DLG5: variants seen among roughly 807,000 people sequenced by gnomAD.
The protein encoded by DLG5 is disks large homolog 5.
In DLG5, 48 loss-of-function variants were observed where a neutral mutation model predicts 189.8. The observed-to-expected ratio is 0.25, with a 90% CI of 0.20 to 0.32. DLG5 has a LOEUF of 0.32. DLG5 is among the 10% of genes least tolerant of loss of function. The pLI is 1.00. For synonymous variants in DLG5, 1,016 were observed against 1,054.1 expected (o/e 0.96, Z 0.70); for missense variants, 2,160 against 2,544.7 (o/e 0.85, Z 3.25).
chr10:77,889,756 A>T (rs1031475565), intron 1 of DLG5, among the ~76,000 whole-genome samples: 5 of 152,206 alleles, frequency 3.3e-5, no homozygotes, highest in Non-Finnish European at 7.3e-5. Flanking sequence ...GAGGGCAAGA[A>T]AAGAAAAGGT....
chr10:77,894,401 T>C (rs1845697571), intron 1 of DLG5, among the ~76,000 whole-genome samples: 1 of 152,170 alleles, frequency 6.6e-6, no homozygotes, highest in South Asian at 2.1e-4. Flanking sequence ...CTAGCACACT[T>C]GCCAGACAAG....
intron 9 of DLG5, among the ~76,000 whole-genome samples, chr10:77,831,770 C>T (rs144993999): frequency 3.3e-5 from 5 of 152,314 alleles, no homozygotes; most frequent in South Asian, 2.1e-4. Context: ...CACTTAACCT[C>T]GGATAAAAGT....
intron 7 of DLG5, among the ~76,000 whole-genome samples, chr10:77,838,406 C>T (rs530178608): frequency 2.8e-4 from 43 of 152,246 alleles, no homozygotes; most frequent in Admixed American, 2.2e-3. Context: ...AGCTACTGGC[C>T]TGAGGCAGGA....
intron 9 of DLG5, among the ~76,000 whole-genome samples, chr10:77,833,552 TG>T (rs1450067279): frequency 8.7e-4 from 74 of 84,942 alleles, no homozygotes; most frequent in African/African-American, 2.3e-3. Context: ...TGCGAGTGAG[TG>T]AGTGAGTGAG....
At chr10:77,818,024 G>A (rs1010224081) in intron 17 of DLG5, 135 bp from the exon 18 acceptor site, 9 of 706,064 alleles carry the variant, frequency 1.3e-5, no homozygotes, top group Admixed American at 2.7e-5. Context: ...ATTATCAGCC[G>A]AGGATAGCAG....
In DLG5 at chr10:77,821,173, T is replaced by C. The variant is rs745541377; in HGVS notation, c.3311A>G (p.Asp1104Gly). ...CDEDLTSQKV[D>G]ELGQKRRRPK... Reference sequence around the variant, plus strand: ...CCGGCGACGCTTCTGCCCCAGCTCATCCACCTTCTGGGAGGTGAGGTCCTC... The same window carrying C: ...CCGGCGACGCTTCTGCCCCAGCTCACCCACCTTCTGGGAGGTGAGGTCCTC... The change falls in exon 15 of 32, where the codon GAT becomes GGT. Residue 1104 changes from aspartate (D) to glycine (G), a missense_variant. Asp to Gly is a moderately conservative substitution (Grantham distance 94, BLOSUM62 -1). Coordinates refer to ENST00000372391, the MANE Select transcript of DLG5 (RefSeq NM_004747.4). 99 of 1,614,024 alleles carry C rather than the reference T, an allele frequency of 6.1e-5. No homozygotes were observed. Among genetic ancestry groups the C allele is most frequent in the Non-Finnish European group, 8.3e-5 (98 of 1,180,052 alleles).
At chr10:77,857,491 AGAG>A (rs1467822907) in intron 2 of DLG5, among the ~76,000 whole-genome samples, 1 of 152,220 alleles carries the variant, frequency 6.6e-6, no homozygotes, top group Non-Finnish European at 1.5e-5. Context: ...GTGCAGGCTA[AGAG>A]GAGGGCTGCT....
chr10:77,863,769 G>A (rs771037267), intron 2 of DLG5, among the ~76,000 whole-genome samples: 8 of 152,158 alleles, frequency 5.3e-5, no homozygotes, highest in African/African-American at 1.9e-4. Context: ...AGAGGTAAGG[G>A]ATTTGGTTTG....
intron 4 of DLG5, among the ~76,000 whole-genome samples, chr10:77,853,969 T>G (rs1212053336): frequency 6.6e-6 from 1 of 152,226 alleles, no homozygotes; most frequent in Non-Finnish European, 1.5e-5. Context: ...GCCTGAGCCC[T>G]GCTGCATGTT....
rs1842761506 is a variant in DLG5, at chr10:77,828,733, A to G, written c.2289+149T>C. ...TTTCTACAGTAAATAGAAACATACCATCAAGAAACCTATTTTTAAATGTTC... is the reference window on the plus strand; with the variant it reads ...TTTCTACAGTAAATAGAAACATACCGTCAAGAAACCTATTTTTAAATGTTC... On this transcript the variant is annotated intron_variant, in intron 13 of 31. Coordinates refer to ENST00000372391, the MANE Select transcript of DLG5 (RefSeq NM_004747.4). The G allele has an allele frequency of 4.2e-6, 3 of 716,740 alleles. No individual in the cohort carries two copies. In the South Asian group the frequency reaches 5.8e-5, roughly 14 times the overall value. 44.4% of individuals were successfully genotyped at this position (716,740 alleles called of 1,614,324 possible).
chr10:77,891,887 T>C (rs1392083683), intron 1 of DLG5, among the ~76,000 whole-genome samples: 2 of 152,150 alleles, frequency 1.3e-5, no homozygotes, highest in Admixed American at 6.5e-5. Context: ...ATGAGTCCCC[T>C]AGCACAAGGC....
At chr10:77,870,128 T>C (rs991563338) in intron 1 of DLG5, among the ~76,000 whole-genome samples, 1 of 151,854 alleles carries the variant, frequency 6.6e-6, no homozygotes, top group Non-Finnish European at 1.5e-5. Flanking sequence ...GCAAACTGAC[T>C]CAGAGACTAA....
At chr10:77,905,212 G>T (rs1176776602) in intron 1 of DLG5, among the ~76,000 whole-genome samples, 1 of 151,926 alleles carries the variant, frequency 6.6e-6, no homozygotes, top group Non-Finnish European at 1.5e-5. Context: ...TGTTGCCCGG[G>T]CTGGTCTCAA....
At chr10:77,923,525 G>A (rs1473211066) in intron 1 of DLG5, among the ~76,000 whole-genome samples, 8 of 152,250 alleles carry the variant, frequency 5.3e-5, no homozygotes, top group African/African-American at 1.9e-4. Flanking sequence ...TTGGGAGGCT[G>A]AGGCAAGCAG....
intron 2 of DLG5, among the ~76,000 whole-genome samples, chr10:77,859,358 A>G (rs1844382739): frequency 1.3e-5 from 2 of 152,242 alleles, no homozygotes; most frequent in Admixed American, 6.5e-5. Flanking sequence ...AGCGGTGTAC[A>G]GTCATGTTTT....
intron 13 of DLG5, chr10:77,824,696 G>A (rs1381923102): frequency 3.9e-6 from 2 of 508,826 alleles, no homozygotes; most frequent in African/African-American, 2.0e-5. Flanking sequence ...CAGCAGGCTA[G>A]GGGAGGAGCA....
At chr10:77,811,043 C>T (rs1603641189) in intron 23 of DLG5, 51 bp downstream of exon 23, 1 of 1,580,100 alleles carries the variant, frequency 6.3e-7, no homozygotes, top group Non-Finnish European at 8.6e-7. Flanking sequence ...TGTGCTCAGC[C>T]CCACCCAGCC....
intron 26 of DLG5, 125 bp from the exon 27 acceptor site, chr10:77,805,986 G>C: frequency 1.1e-6 from 1 of 930,326 alleles, no homozygotes; most frequent in Non-Finnish European, 1.6e-6. Context: ...TCCTTGGCAG[G>C]TCTCAAGGCT....
At chr10:77,868,233 C>T (rs1844766517) in intron 2 of DLG5, 2 of 407,278 alleles carry the variant, frequency 4.9e-6, no homozygotes, top group South Asian at 3.6e-5. Context: ...TGGTCACTGT[C>T]TTCCCTCTTA....
Sources: gnomAD v4.1 joint callset for allele counts (sites outside exome capture counted in the v4.1 genomes callset) on GRCh38, gnomAD v4.1.1 for gene constraint, MANE v1.5 for transcripts, NCBI Gene and HGNC (gene_info 2026-07-23, HGNC 2026-07-21) for gene names.